The following PCDHGA8 variants were observed in gnomAD, a reference collection of about 807,000 sequenced individuals.
PCDHGA8 encodes the protein protocadherin gamma subfamily A, 8.
PCDHGA8 carries 45 observed loss-of-function variants against 59.2 expected under a neutral mutation model. That is an observed-to-expected ratio of 0.76 (90% CI 0.60 to 0.98). PCDHGA8 has a LOEUF of 0.98. PCDHGA8 is among the 50% of genes least tolerant of loss of function. The pLI is 0.00. For missense variants in PCDHGA8, 1,257 were observed against 1,196.2 expected (o/e 1.05, Z -0.75); for synonymous variants, 531 against 519.0 (o/e 1.02, Z -0.32).
intron 2 of PCDHGA8, 91 bp from the exon 3 acceptor site, chr5:141,505,302 G>T: frequency 6.3e-7 from 1 of 1,592,714 alleles, no homozygotes; most frequent in Non-Finnish European, 8.5e-7. Context: ...TAGGGTTAGG[G>T]TACTAGGTTT....
intron 1 of PCDHGA8, among the ~76,000 whole-genome samples, chr5:141,444,152 ATTTTTTTTTTTTTTT>A (rs747671382): frequency 3.8e-4 from 13 of 33,894 alleles, no homozygotes; most frequent in East Asian, 1.0e-3. Context: ...TGTGTACTGG[ATTTTTTTTTTTTTTT>A]TTTTTTTTTT....
intron 1 of PCDHGA8, chr5:141,414,230 C>G (rs367888906): frequency 6.2e-7 from 1 of 1,613,190 alleles, no homozygotes; most frequent in Non-Finnish European, 8.5e-7. Flanking sequence ...CCAGAGCTGA[C>G]CATCACGTCT....
intron 1 of PCDHGA8, chr5:141,408,334 C>T (rs2095086638): frequency 1.2e-6 from 2 of 1,613,910 alleles, no homozygotes; most frequent in East Asian, 2.2e-5. Context: ...TGGCCAAGGG[C>T]TCGGTGGTGG....
chr5:141,418,058 C>A (rs2096216434), intron 1 of PCDHGA8: 1 of 1,613,872 alleles, frequency 6.2e-7, no homozygotes, highest in Non-Finnish European at 8.5e-7. Flanking sequence ...TCGCGAGCTG[C>A]GAGTGAGCGC....
chr5:141,394,891 TCGTGGTGGCAGTGG>T lies in PCDHGA8; in HGVS notation c.2080_2093del (p.Val694CysfsTer46), dbSNP rs1346277751. ...AACGATTCGAGCCTTACACTCTATC[TCGTGGTGGCAGTGG>T]CTGCCATCTCCTGTGTCTTCCTCGC... On this transcript the variant is annotated frameshift_variant, in exon 1 of 4. Coordinates refer to ENST00000398604, the MANE Select transcript of PCDHGA8 (RefSeq NM_032088.2). LOFTEE classifies it high-confidence loss of function. The T allele has an allele frequency of 6.8e-6, 11 of 1,613,892 alleles. No individual in the cohort carries two copies. Among genetic ancestry groups the T allele is most frequent in the Non-Finnish European group, 9.3e-6 (11 of 1,179,894 alleles).
intron 1 of PCDHGA8, among the ~76,000 whole-genome samples, chr5:141,456,059 G>A (rs1200043527): frequency 1.3e-5 from 2 of 151,662 alleles, no homozygotes; most frequent in Non-Finnish European, 1.5e-5. Flanking sequence ...CACCACGTCC[G>A]GCTAATTTTT....
At chr5:141,402,514 AAT>A (rs1200847622) in intron 1 of PCDHGA8, among the ~76,000 whole-genome samples, 1 of 152,218 alleles carries the variant, frequency 6.6e-6, no homozygotes, top group East Asian at 1.9e-4. Flanking sequence ...AATATTAAGC[AAT>A]GGTTTGTGAT....
Position 141,512,554 on chromosome 5 carries a change from T to TAG in PCDHGA8, c.*1383_*1384dup, listed in dbSNP as rs2099884300. ...AAGTTCCCCAGTGCCTCCTTGTGCA[T>TAG]AGACCTTCTTCTCCCACCCCCTTCT... is the stretch of plus-strand genomic sequence containing the variant. On this transcript the variant is annotated 3_prime_UTR_variant, in exon 4 of 4. Coordinates refer to ENST00000398604, the MANE Select transcript of PCDHGA8 (RefSeq NM_032088.2). 6.5e-6 allele frequency: 1 copy of TAG among 153,012 alleles called. No homozygotes were observed. Among genetic ancestry groups the TAG allele is most frequent in the Non-Finnish European group, 1.5e-5 (1 of 68,482 alleles). 9.5% of individuals were successfully genotyped at this position (153,012 alleles called of 1,614,324 possible).
intron 1 of PCDHGA8, chr5:141,409,829 A>AGC (rs2095323181): frequency 6.2e-7 from 1 of 1,610,980 alleles, no homozygotes; most frequent in African/African-American, 1.3e-5. Context: ...GCCCACGCTC[A>AGC]GCGCCAACGT....
chr5:141,491,284 A>C lies in PCDHGA8; in HGVS notation c.2425-3523A>C. ...AATGCCCAAATCCAGTGACTTCCTC[A>C]TACACCCTCCTGAGCGTTCAGACCT... On this transcript the variant is annotated intron_variant, in intron 1 of 3. Transcript: ENST00000398604. The surrounding 1 kb of genome is among the most constrained non-coding windows in gnomAD (Gnocchi z 6.9). 1.2e-6 allele frequency: 2 copies of C among 1,614,128 alleles called. No homozygotes were observed. The highest frequency in any genetic ancestry group is 1.7e-6 in the Non-Finnish European group (2 of 1,179,978).
intron 1 of PCDHGA8, chr5:141,397,905 G>C: frequency 1.5e-6 from 1 of 659,508 alleles, no homozygotes; most frequent in East Asian, 2.8e-5. Flanking sequence ...GCAGAGCTTG[G>C]CGCTCCAGAT....
At chr5:141,475,957 G>A (rs776101269) in intron 1 of PCDHGA8, 148 of 812,416 alleles carry the variant, frequency 1.8e-4, no homozygotes, top group Non-Finnish European at 2.6e-4. Flanking sequence ...CTGCGCCCCG[G>A]GATGAGGCAG....
Position 141,491,842 on chromosome 5 carries a change from T to C in PCDHGA8, c.2425-2965T>C, listed in dbSNP as rs551615550. The C allele has an allele frequency of 7.5e-6, 11 of 1,464,162 alleles. No homozygotes were observed. In the South Asian group the frequency reaches 1.3e-4, roughly 17 times the overall value. 90.7% of individuals were successfully genotyped at this position (1,464,162 alleles called of 1,614,324 possible). ...GCGCTCCACCCGATTCTCGGGATCA[T>C]TGGACCGTTTGCGCGAAACCAGAGT... On this transcript the variant is annotated intron_variant, in intron 1 of 3. Transcript: ENST00000398604. The surrounding 1 kb of genome is among the most constrained non-coding windows in gnomAD (Gnocchi z 6.9).
chr5:141,408,656 C>G (rs1367377855), intron 1 of PCDHGA8: 1 of 1,614,030 alleles, frequency 6.2e-7, no homozygotes, highest in South Asian at 1.1e-5. Flanking sequence ...TGGTACACGA[C>G]TATCGCTTGA....
At chr5:141,506,164 G>A (rs959032250) in intron 3 of PCDHGA8, among the ~76,000 whole-genome samples, 17 of 152,140 alleles carry the variant, frequency 1.1e-4, no homozygotes, top group Non-Finnish European at 2.4e-4. Context: ...TAAGAGCACA[G>A]CCTAAGCTGG....
At chr5:141,492,216 C>T (rs1163022229) in intron 1 of PCDHGA8, among the ~76,000 whole-genome samples, 1 of 152,140 alleles carries the variant, frequency 6.6e-6, no homozygotes, top group Non-Finnish European at 1.5e-5. Context: ...GCGCGGGGCT[C>T]ATGCGTGTCC....
At chr5:141,497,212 G>C (rs968445663) in intron 2 of PCDHGA8, among the ~76,000 whole-genome samples, 2 of 151,018 alleles carry the variant, frequency 1.3e-5, no homozygotes, top group East Asian at 3.9e-4. Context: ...AGTGTAATGG[G>C]GGGGGGAAGA....
intron 1 of PCDHGA8, among the ~76,000 whole-genome samples, chr5:141,402,570 C>G (rs947118867): frequency 1.3e-5 from 2 of 152,138 alleles, no homozygotes; most frequent in Admixed American, 1.3e-4. Flanking sequence ...TTATTTACAA[C>G]TCAGATATCT....
At chr5:141,479,003 C>A (rs2099485569) in intron 1 of PCDHGA8, among the ~76,000 whole-genome samples, 1 of 152,176 alleles carries the variant, frequency 6.6e-6, no homozygotes, top group African/African-American at 2.4e-5. Flanking sequence ...AAACTAATAG[C>A]TTTTTGATAA....
Sources: gnomAD v4.1 joint callset for allele counts (sites outside exome capture counted in the v4.1 genomes callset) on GRCh38, gnomAD v4.1.1 for gene constraint, Gnocchi (gnomAD v3.1) non-coding constraint, MANE v1.5 for transcripts, NCBI Gene and HGNC (gene_info 2026-07-23, HGNC 2026-07-21) for gene names.